The following MAGI1 variants were observed in gnomAD, a reference collection of about 807,000 sequenced individuals.
MAGI1 encodes the protein membrane associated guanylate kinase, WW and PDZ domain containing 1.
MAGI1 carries 58 observed loss-of-function variants against 139.9 expected under a neutral mutation model. The ratio of observed to expected loss-of-function variants is 0.41; its 90% CI spans 0.34 to 0.52. The LOEUF (loss-of-function observed/expected upper bound fraction) is 0.52. Among genes scored for constraint, MAGI1 ranks in the 20% least tolerant of loss-of-function variants. The probability of loss-of-function intolerance (pLI) is 0.12; values close to 1 mark genes in which losing one functional copy is unlikely to be tolerated. For missense variants in MAGI1, 1,874 were observed against 1,901.6 expected, an observed-to-expected ratio of 0.99 and a Z score of 0.27; for synonymous variants, 812 against 737.9, an observed-to-expected ratio of 1.10 and a Z score of -1.63.
intron 12 of MAGI1, among the ~76,000 whole-genome samples, chr3:65,419,392 T>C (rs919629742): frequency 1.3e-5 from 2 of 152,188 alleles, no homozygotes; most frequent in African/African-American, 4.8e-5. Context: ...CACTCTAATG[T>C]TTTCTGTTTC....
chr3:65,731,357 T>C (rs540525917), intron 1 of MAGI1, among the ~76,000 whole-genome samples: 1 of 152,082 alleles, frequency 6.6e-6, no homozygotes, highest in South Asian at 2.1e-4. Flanking sequence ...CTAACAGCAT[T>C]TAAGGAAATC....
At chr3:65,917,799 C>T (rs2061976918) in intron 1 of MAGI1, among the ~76,000 whole-genome samples, 1 of 152,094 alleles carries the variant, frequency 6.6e-6, no homozygotes, top group South Asian at 2.1e-4. Context: ...ATAAGTAGAG[C>T]ACCAAGAATT....
At chr3:65,718,063 T>C (rs1249949728) in intron 1 of MAGI1, among the ~76,000 whole-genome samples, 1 of 152,224 alleles carries the variant, frequency 6.6e-6, no homozygotes, top group Non-Finnish European at 1.5e-5. Flanking sequence ...CAGAAATCCC[T>C]GTACCTACAC....
intron 3 of MAGI1, among the ~76,000 whole-genome samples, chr3:65,482,605 T>C (rs1426951167): frequency 2.0e-5 from 3 of 152,212 alleles, no homozygotes; most frequent in African/African-American, 4.8e-5. Flanking sequence ...CTCTGTAAAC[T>C]ATAAGGTGTT....
At chr3:66,020,554 G>A (rs1158103909) in intron 1 of MAGI1, among the ~76,000 whole-genome samples, 2 of 152,032 alleles carry the variant, frequency 1.3e-5, no homozygotes, top group Non-Finnish European at 2.9e-5. Context: ...ACAGACTATC[G>A]GCAGCTCTGA....
rs879636196 is a variant in MAGI1 at position 65,519,373 on chromosome 3, CACACACACACACAT to C, written c.431-25756_431-25743del. Among the ~76,000 whole-genome samples the C allele has an allele frequency of 7.0e-3, 520 of 74,354 alleles. 2 individuals carry two copies. The highest frequency in any genetic ancestry group is 0.048 in the South Asian group (88 of 1,840). The allele number at this position is 74,354 out of a possible 152,430, so 48.8% of individuals were successfully genotyped here. ...ACACACACACACACACACACACACA[CACACACACACACAT>C]ATATATAATTTTTTTTTGGATGGAG... On this transcript the variant is annotated intron_variant, in intron 2 of 22. Transcript: ENST00000402939.
rs138855204 is a variant in MAGI1, at chr3:65,944,737, T to C, written c.313+93259A>G. ...ATGACCAGCTCACCAAGGAAATAGC[T>C]AAAAAATAAAACAAAGATATATGTC... On this transcript the variant is annotated intron_variant, in intron 1 of 22. Coordinates refer to ENST00000402939, the MANE Select transcript of MAGI1 (RefSeq NM_001033057.2). 1.8e-3 allele frequency among the ~76,000 whole-genome samples: 281 copies of C among 152,124 alleles called. 1 individual carries two copies. The highest frequency in any genetic ancestry group is 6.3e-3 in the African/African-American group (261 of 41,494).
intron 1 of MAGI1, among the ~76,000 whole-genome samples, chr3:65,945,323 A>G (rs2063499569): frequency 6.6e-6 from 1 of 152,218 alleles, no homozygotes; most frequent in Non-Finnish European, 1.5e-5. Flanking sequence ...TCACCCAGGT[A>G]CTAAACTTAG....
chr3:65,963,894 T>C (rs2064602025), intron 1 of MAGI1, among the ~76,000 whole-genome samples: 1 of 152,194 alleles, frequency 6.6e-6, no homozygotes, highest in African/African-American at 2.4e-5. Flanking sequence ...GGTCAACACT[T>C]TTTCATATAT....
intron 1 of MAGI1, among the ~76,000 whole-genome samples, chr3:66,023,687 T>C (rs2068081655): frequency 6.6e-6 from 1 of 152,230 alleles, no homozygotes; most frequent in African/African-American, 2.4e-5. Context: ...ACAAGTTGTA[T>C]TATTAGGAAC....
intron 2 of MAGI1, among the ~76,000 whole-genome samples, chr3:65,573,585 C>T (rs2081052778): frequency 2.0e-5 from 3 of 151,574 alleles, no homozygotes. Flanking sequence ...TGGCAAAGAA[C>T]TTCTTCAACC....
rs769112594 is a variant in MAGI1, at chr3:65,430,825, T to C, written c.1420A>G (p.Lys474Glu). 6.8e-6 allele frequency: 11 copies of C among 1,613,308 alleles called. No homozygotes were observed. The highest frequency in any genetic ancestry group is 8.5e-6 in the Non-Finnish European group (10 of 1,179,676). ...SELKGKFIHT[K>E]LRKSSRGFGF... is the part of the protein sequence containing the mutation. ...AAGCCACGACTGCTTTTCCGCAGCT[T>C]TGTGTGAATGAACTTGCCTTTCAAC... The change falls in exon 11 of 23, where the codon AAG becomes GAG. Residue 474 changes from lysine (K) to glutamate (E), a missense_variant. Around this residue, in one of 5 missense-constraint regions of MAGI1, gnomAD observed 648 missense variants for 598.1 expected, o/e 1.08. Coordinates refer to ENST00000402939, the MANE Select transcript of MAGI1 (RefSeq NM_001033057.2).
Position 65,613,835 on chromosome 3 carries a change from TGTTTA to T in MAGI1, c.430+8132_430+8136del, listed in dbSNP as rs571671154. ...AAAGTCAGTTTTTTAAAACTTAGCT[TGTTTA>T]AAGAAAAAAAAGAATCTTCATATAA... On this transcript the variant is annotated intron_variant, in intron 2 of 22. Transcript: ENST00000402939. Among the ~76,000 whole-genome samples, 3 of 152,158 alleles carry T rather than the reference TGTTTA, an allele frequency of 2.0e-5. No individual in the cohort carries two copies. The South Asian group carries it at 6.2e-4, about 32-fold the overall frequency.
At chr3:65,661,873 G>A (rs538274690) in intron 1 of MAGI1, among the ~76,000 whole-genome samples, 51 of 145,496 alleles carry the variant, frequency 3.5e-4, no homozygotes, top group African/African-American at 1.3e-3. Flanking sequence ...TCAGCCTCCC[G>A]AGTAGCTGGG....
intron 2 of MAGI1, among the ~76,000 whole-genome samples, chr3:65,616,440 G>T (rs1371612702): frequency 2.0e-5 from 3 of 152,162 alleles, no homozygotes; most frequent in South Asian, 2.1e-4. Flanking sequence ...CTTAAGAGTT[G>T]TACTTTAGAT....
At chr3:65,523,133 T>C (rs1180722213) in intron 2 of MAGI1, among the ~76,000 whole-genome samples, 2 of 152,204 alleles carry the variant, frequency 1.3e-5, no homozygotes, top group Admixed American at 1.3e-4. Context: ...ATATTATGTT[T>C]GCCAGAGTCT....
At chr3:65,476,708 C>A (rs931338139) in intron 4 of MAGI1, among the ~76,000 whole-genome samples, 5 of 152,144 alleles carry the variant, frequency 3.3e-5, no homozygotes, top group African/African-American at 1.2e-4. Context: ...GTTTCTGTGA[C>A]CACAACTATG....
At chr3:65,390,975 C>A (rs968278421) in intron 14 of MAGI1, among the ~76,000 whole-genome samples, 167 bp downstream of exon 14, 1 of 152,192 alleles carries the variant, frequency 6.6e-6, no homozygotes, top group African/African-American at 2.4e-5. Flanking sequence ...AGTGGAGACT[C>A]CATGAATAGC....
rs958468773 is a variant in MAGI1 at position 65,364,930 on chromosome 3, G to A, written c.3213C>T (p.Thr1071=). The change falls in exon 19 of 23, where the codon ACC becomes ACT. Residue 1071 remains threonine, a synonymous_variant. Transcript: ENST00000402939. ...CAATCTTCTCTGCATTGGTCAGCAAGGTGGCATTCGAGGACTCTGCAAAGA... is the reference window on the plus strand; with the variant it reads ...CAATCTTCTCTGCATTGGTCAGCAAAGTGGCATTCGAGGACTCTGCAAAGA... The part of the protein sequence containing the change: ...IIPGDESSNA[T]LLTNAEKIAT... The A allele has an allele frequency of 6.2e-7, 1 of 1,613,800 alleles. No individual in the cohort carries two copies. The highest frequency in any genetic ancestry group is 8.5e-7 in the Non-Finnish European group (1 of 1,179,898).
Sources: allele counts gnomAD v4.1 joint callset (sites outside exome capture counted in the v4.1 genomes callset), GRCh38; gene constraint gnomAD v4.1.1; regional missense constraint gnomAD v4.1.1; transcripts MANE v1.5; gene names NCBI Gene and HGNC (gene_info 2026-07-23, HGNC 2026-07-21).